Variants in SERPINF2 observed in about 807,000 individuals in gnomAD.
The protein encoded by SERPINF2 is alpha-2-antiplasmin.
In SERPINF2, 15 loss-of-function variants were observed where a neutral mutation model predicts 45.0. The ratio of observed to expected loss-of-function variants is 0.33; its 90% CI spans 0.22 to 0.51. SERPINF2 has a LOEUF of 0.51. Among genes scored for constraint, SERPINF2 ranks in the 20% least tolerant of loss-of-function variants. The pLI is 0.97. For synonymous variants in SERPINF2, 283 were observed against 277.9 expected (o/e 1.02, Z -0.18); for missense variants, 518 against 637.4 (o/e 0.81, Z 2.02).
At position 1,745,138 on chromosome 17, in the gene SERPINF2, C is replaced by T. The variant is rs1405719201; in HGVS notation, c.64-37C>T. 1.9e-6 allele frequency: 3 copies of T among 1,590,220 alleles called. No homozygotes were observed. Among genetic ancestry groups the T allele is most frequent in the Admixed American group, 3.6e-5 (2 of 55,776 alleles). On this transcript the variant is annotated intron_variant, in intron 2 of 9. Transcript: ENST00000453066. This position sits in a 1 kb window ranked among gnomAD's most constrained non-coding sequence, Gnocchi z 6.2. ...GTTGGCATGGAGGGAGGGCTTGGCTCCGAGGGGACCTCCTATCCTCATCCC... is the reference window on the plus strand; with the variant it reads ...GTTGGCATGGAGGGAGGGCTTGGCTTCGAGGGGACCTCCTATCCTCATCCC...
chr17:1,743,087 G>A, intron 1 of SERPINF2, 179 bp downstream of exon 1: 1 of 985,368 alleles, frequency 1.0e-6, no homozygotes. Flanking sequence ...GTCGGAGTCG[G>A]GGCCCTGGCC....
At position 1,745,828 on chromosome 17, in the gene SERPINF2, C is replaced by G. The variant is rs1215240257; in HGVS notation, c.286C>G (p.Leu96Val). 1.9e-6 allele frequency: 3 copies of G among 1,613,964 alleles called. No homozygotes were observed. The highest frequency in any genetic ancestry group is 1.3e-5 in the African/African-American group (1 of 74,930). The change falls in exon 5 of 10, where the codon CTG (leucine) becomes GTG (valine). Residue 96 changes from leucine to valine, a missense_variant. Leu to Val is a conservative substitution (Grantham distance 32). Coordinates refer to ENST00000453066, the MANE Select transcript of SERPINF2 (RefSeq NM_000934.4). This position sits in a 1 kb window ranked among gnomAD's most constrained non-coding sequence, Gnocchi z 6.2. Reference sequence around the variant, plus strand: ...GGCCTTCACTGCCGACCTGTTCTCCCTGGTGGCTCAAACGTCCACCTGCCC... The same window carrying G: ...GGCCTTCACTGCCGACCTGTTCTCCGTGGTGGCTCAAACGTCCACCTGCCC... ...MMAFTADLFS[L>V]VAQTSTCPNL... is the part of the protein sequence containing the mutation.
At chr17:1,752,493 C>T in intron 8 of SERPINF2, 93 bp from the exon 9 acceptor site, 1 of 1,105,604 alleles carries the variant, frequency 9.0e-7, no homozygotes, top group Non-Finnish European at 1.4e-6. Context: ...TGGCCAGGAG[C>T]CCCATTGTCT....
chr17:1,745,381 A>C lies in SERPINF2; in HGVS notation c.151A>C (p.Lys51Gln). ...GCAGGTGTCCCCACTTACCCTCCTC[A>C]AGTTGGGCAACCAGGTACAACCAGG... ...QEQVSPLTLL[K>Q]LGNQEPGGQT... The change falls in exon 4 of 10, where the codon AAG becomes CAG. Residue 51 changes from lysine (K) to glutamine (Q), a missense_variant. By Grantham distance (53) the Lys-to-Gln change is moderately conservative (BLOSUM62 1). Around this residue, in one of 2 missense-constraint regions of SERPINF2, gnomAD observed 435 missense variants for 577.3 expected, o/e 0.75. Transcript: ENST00000453066. The surrounding 1 kb of genome is among the most constrained non-coding windows in gnomAD (Gnocchi z 6.2). The C allele has an allele frequency of 6.3e-7, 1 of 1,598,004 alleles. No individual in the cohort carries two copies. Among genetic ancestry groups the C allele is most frequent in the Middle Eastern group, 1.7e-4 (1 of 5,910 alleles).
At position 1,754,323 on chromosome 17, in the gene SERPINF2, A is replaced by T; in HGVS notation, c.1265A>T (p.Asp422Val). The change falls in exon 10 of 10, where the codon GAC becomes GTC. Residue 422 changes from aspartate (D) to valine (V), a missense_variant. Around this residue, in one of 2 missense-constraint regions of SERPINF2, gnomAD observed 435 missense variants for 577.3 expected, o/e 0.75. Coordinates refer to ENST00000453066, the MANE Select transcript of SERPINF2 (RefSeq NM_000934.4). ...CCCTTCCTCTTCTTCATCTTCGAGGACACCACAGGCCTTCCCCTCTTCGTG... is the reference window on the plus strand; with the variant it reads ...CCCTTCCTCTTCTTCATCTTCGAGGTCACCACAGGCCTTCCCCTCTTCGTG... Reference protein sequence around the residue: ...NRPFLFFIFEDTTGLPLFVGS... With the variant: ...NRPFLFFIFEVTTGLPLFVGS... 6.2e-7 allele frequency: 1 copy of T among 1,614,116 alleles called. No homozygotes were observed. The highest frequency in any genetic ancestry group is 8.5e-7 in the Non-Finnish European group (1 of 1,180,022).
intron 1 of SERPINF2, 161 bp downstream of exon 1, chr17:1,743,069 A>C (rs557709049): frequency 3.9e-5 from 38 of 984,194 alleles, no homozygotes; most frequent in Non-Finnish European, 4.6e-5. Context: ...GAAGATTCTA[A>C]TGCCCAGGTC....
At chr17:1,753,568 C>G (rs1480898690) in intron 9 of SERPINF2, among the ~76,000 whole-genome samples, 2 of 152,150 alleles carry the variant, frequency 1.3e-5, no homozygotes, top group African/African-American at 4.8e-5. Flanking sequence ...TGCCCATAAT[C>G]CCAGCTACTT....
At chr17:1,751,593 A>C (rs1906402282) in intron 8 of SERPINF2, among the ~76,000 whole-genome samples, 1 of 135,862 alleles carries the variant, frequency 7.4e-6, no homozygotes, top group Non-Finnish European at 1.7e-5. Flanking sequence ...TCTCTTCTAA[A>C]AATACAAAAA....
chr17:1,748,792 G>A (rs1257822944), intron 8 of SERPINF2, 52 bp downstream of exon 8: 3 of 933,642 alleles, frequency 3.2e-6, no homozygotes, highest in Non-Finnish European at 5.3e-6. Context: ...GGTGGGGAAG[G>A]GAGTGGACAG....
rs1477407444 is a variant in SERPINF2 at position 1,754,295 on chromosome 17, C to T, written c.1237C>T (p.Arg413Cys). 5.0e-6 allele frequency: 8 copies of T among 1,614,034 alleles called. No individual in the cohort carries two copies. The highest frequency in any genetic ancestry group is 1.3e-5 in the African/African-American group (1 of 74,932). The change falls in exon 10 of 10, where the codon CGC (arginine) becomes TGC (cysteine). Residue 413 changes from arginine (R) to cysteine (C), a missense_variant. Physicochemically the swap from Arg to Cys is radical, Grantham distance 180. This residue lies in a region of SERPINF2 where 435 missense variants were observed against 577.3 expected (regional missense o/e 0.75). Coordinates refer to ENST00000453066, the MANE Select transcript of SERPINF2 (RefSeq NM_000934.4). ...GTCCCTGTCCTCCTTCAGCGTGAAC[C>T]GCCCCTTCCTCTTCTTCATCTTCGA... The part of the protein sequence containing the change: ...RMSLSSFSVN[R>C]PFLFFIFEDT...
rs1905741532 is a variant in SERPINF2 at position 1,745,579 on chromosome 17, G to T, written c.166-129G>T. The T allele has an allele frequency of 1.7e-6, 2 of 1,196,252 alleles. No homozygotes were observed. The allele number at this position is 1,196,252 out of a possible 1,614,324, so 74.1% of individuals were successfully genotyped here. On this transcript the variant is annotated intron_variant, in intron 4 of 9. Transcript: ENST00000453066. The surrounding 1 kb of genome is among the most constrained non-coding windows in gnomAD (Gnocchi z 6.2). ...CCCAGAATGCCAGTGCCCTCCGTCT[G>T]ACGCTCCCTCTTCCCTGGGGCTGGG... is the stretch of plus-strand genomic sequence containing the variant.
intron 1 of SERPINF2, 30 bp downstream of exon 1, chr17:1,742,938 C>T: frequency 1.0e-6 from 1 of 985,358 alleles, no homozygotes; most frequent in Non-Finnish European, 1.2e-6. Context: ...TCGGCCTGCT[C>T]CTTGGGTAGG....
rs572431803 is a variant in SERPINF2, at chr17:1,747,626, G to A, written c.715+114G>A. On this transcript the variant is annotated intron_variant, in intron 7 of 9. Transcript: ENST00000453066. ...GTCACCCAGGGTGGAGCGCAGTGGC[G>A]CGATCTCGGCTCCCTGCAACCTCCG... The A allele has an allele frequency of 3.2e-5, 37 of 1,160,400 alleles. No homozygotes were observed. In the East Asian group the frequency reaches 3.3e-4, roughly 10 times the overall value. The allele number at this position is 1,160,400 out of a possible 1,614,324, so 71.9% of individuals were successfully genotyped here.
At chr17:1,744,923 G>T in intron 1 of SERPINF2, 69 bp from the exon 2 acceptor site, 2 of 1,610,038 alleles carry the variant, frequency 1.2e-6, no homozygotes, top group Non-Finnish European at 1.7e-6. Context: ...ATCTGTGATC[G>T]CGTGGGTAGG....
intron 7 of SERPINF2, 139 bp downstream of exon 7, chr17:1,747,651 G>A (rs1184156654): frequency 6.5e-6 from 6 of 923,396 alleles, no homozygotes; most frequent in African/African-American, 1.6e-5. Flanking sequence ...TGCAACCTCC[G>A]CCTCCCGGAT....
chr17:1,748,828 T>C, intron 8 of SERPINF2, 88 bp downstream of exon 8: 1 of 809,104 alleles, frequency 1.2e-6, no homozygotes, highest in Non-Finnish European at 2.2e-6. Context: ...CAGGGATGGG[T>C]GGAGGCTGTC....
In SERPINF2 at chr17:1,754,155, G is replaced by A. The variant is rs1035037159; in HGVS notation, c.1097G>A (p.Arg366His). ...GAGTTGTTCCAGGCCCCAGACCTGC[G>A]TGGGATCTCCGAGCAGAGCCTGGTG... ...LQELFQAPDL[R>H]GISEQSLVVS... The change falls in exon 10 of 10, where the codon CGT becomes CAT. Residue 366 changes from arginine to histidine, a missense_variant. Transcript: ENST00000453066. 6.2e-6 allele frequency: 10 copies of A among 1,609,552 alleles called. No individual in the cohort carries two copies. Among genetic ancestry groups the A allele is most frequent in the Middle Eastern group, 1.7e-4 (1 of 6,038 alleles).
In SERPINF2 at chr17:1,745,345, C is replaced by G; in HGVS notation, c.115C>G (p.Pro39Ala). ...CTCCTTTCCGCAGCTAACTAGCGGG[C>G]CGAACCAGGAGCAGGTGTCCCCACT... ...EPLGRQLTSG[P>A]NQEQVSPLTL... is the part of the protein sequence containing the mutation. The change falls in exon 4 of 10, where the codon CCG (proline) becomes GCG (alanine). Residue 39 changes from proline to alanine, a missense_variant. This residue lies in a region of SERPINF2 where 435 missense variants were observed against 577.3 expected (regional missense o/e 0.75). Transcript: ENST00000453066. This position sits in a 1 kb window ranked among gnomAD's most constrained non-coding sequence, Gnocchi z 6.2. 6.2e-7 allele frequency: 1 copy of G among 1,613,182 alleles called. No individual in the cohort carries two copies. The highest frequency in any genetic ancestry group is 8.5e-7 in the Non-Finnish European group (1 of 1,179,934).
In SERPINF2 at chr17:1,754,571, A is replaced by G; in HGVS notation, c.*37A>G. On this transcript the variant is annotated 3_prime_UTR_variant, in exon 10 of 10. Transcript: ENST00000453066. ...TGTGGCATCCAGAGTCCCTGCCTGG[A>G]CCAGCCTCTCCACTCATGTGACTCT... 1 of 1,591,080 alleles carries G rather than the reference A, an allele frequency of 6.3e-7. No homozygotes were observed. Among genetic ancestry groups the G allele is most frequent in the Non-Finnish European group, 8.5e-7 (1 of 1,175,650 alleles).
Sources: allele counts gnomAD v4.1 joint callset (sites outside exome capture counted in the v4.1 genomes callset), GRCh38; gene constraint gnomAD v4.1.1; regional missense constraint gnomAD v4.1.1; non-coding constraint Gnocchi (gnomAD v3.1); transcripts MANE v1.5; gene names NCBI Gene and HGNC (gene_info 2026-07-23, HGNC 2026-07-21).